Variants in LGR5 observed in about 807,000 individuals in gnomAD.
LGR5 encodes the protein leucine rich repeat containing G protein-coupled receptor 5, also known as leucine-rich repeat-containing G protein-coupled receptor 5.
In LGR5, 54 loss-of-function variants were observed where a neutral mutation model predicts 76.7. The observed-to-expected ratio is 0.70, with a 90% CI of 0.57 to 0.88. The LOEUF is 0.88. Among genes scored for constraint, LGR5 ranks in the 40% least tolerant of loss-of-function variants. The pLI, the probability that LGR5 is intolerant of heterozygous loss-of-function variation, is 0.00. For missense variants in LGR5, 1,078 were observed against 1,073.3 expected (o/e 1.00, Z -0.06); for synonymous variants, 406 against 421.9 (o/e 0.96, Z 0.46).
At chr12:71,452,512 T>A (rs761352280) in intron 1 of LGR5, among the ~76,000 whole-genome samples, 1 of 152,230 alleles carries the variant, frequency 6.6e-6, no homozygotes, top group African/African-American at 2.4e-5. Context: ...GACTACTTGA[T>A]ATAATTTCTG....
chr12:71,536,931 C>T (rs1200100932), intron 4 of LGR5, among the ~76,000 whole-genome samples: 1 of 152,050 alleles, frequency 6.6e-6, no homozygotes, highest in Non-Finnish European at 1.5e-5. Flanking sequence ...CTATGTGTTC[C>T]CTGTGAAAAG....
chr12:71,478,738 A>C (rs1427511568), intron 1 of LGR5, among the ~76,000 whole-genome samples: 2 of 152,182 alleles, frequency 1.3e-5, no homozygotes, highest in Non-Finnish European at 2.9e-5. Flanking sequence ...ATAGGTCATC[A>C]AATACAATTC....
intron 1 of LGR5, among the ~76,000 whole-genome samples, chr12:71,446,861 T>A (rs1051735183): frequency 1.3e-5 from 2 of 152,212 alleles, no homozygotes; most frequent in African/African-American, 4.8e-5. Context: ...TTTTTATATA[T>A]CCATTTTCTT....
At chr12:71,565,171 G>A (rs1878278249) in intron 8 of LGR5, among the ~76,000 whole-genome samples, 1 of 151,862 alleles carries the variant, frequency 6.6e-6, no homozygotes, top group Non-Finnish European at 1.5e-5. Context: ...GGACAGAAGA[G>A]GATTTAGGTT....
intron 17 of LGR5, 127 bp from the exon 18 acceptor site, chr12:71,583,520 C>A: frequency 9.4e-7 from 1 of 1,058,378 alleles, no homozygotes; most frequent in Non-Finnish European, 1.4e-6. Context: ...CACATGGGCA[C>A]TGTGTGTTAT....
In LGR5 at chr12:71,465,758, G is replaced by A. The variant is rs113538048; in HGVS notation, c.212+25466G>A. 2.7e-3 allele frequency among the ~76,000 whole-genome samples: 410 copies of A among 152,192 alleles called. 3 individuals are homozygous for A. Among genetic ancestry groups the A allele is most frequent in the African/African-American group, 9.5e-3 (395 of 41,520 alleles). On this transcript the variant is annotated intron_variant, in intron 1 of 17. Coordinates refer to ENST00000266674, the MANE Select transcript of LGR5 (RefSeq NM_003667.4). Reference sequence around the variant, plus strand: ...ACTTACCTCAGGATTCCTTTTTCAGGTAACATAAACTGATTAACTGGAAAT... The same window carrying A: ...ACTTACCTCAGGATTCCTTTTTCAGATAACATAAACTGATTAACTGGAAAT...
intron 1 of LGR5, among the ~76,000 whole-genome samples, chr12:71,484,585 C>T (rs1020842571): frequency 4.6e-5 from 7 of 152,016 alleles, no homozygotes; most frequent in Non-Finnish European, 8.8e-5. Flanking sequence ...CCTTTGTGCC[C>T]GAGGTTACAG....
chr12:71,492,673 GGAAGT>G (rs1874126198), intron 1 of LGR5, among the ~76,000 whole-genome samples: 1 of 152,300 alleles, frequency 6.6e-6, no homozygotes, highest in Non-Finnish European at 1.5e-5. Context: ...CTCTAACAGA[GGAAGT>G]TAGGGACTGA....
At chr12:71,502,349 C>G (rs1456268078) in intron 1 of LGR5, among the ~76,000 whole-genome samples, 3 of 151,968 alleles carry the variant, frequency 2.0e-5, no homozygotes, top group South Asian at 4.2e-4. Context: ...AGGTGCCCAC[C>G]ACCATGCCCG....
chr12:71,545,160 A>C (rs1022291391), intron 4 of LGR5, among the ~76,000 whole-genome samples: 1 of 152,120 alleles, frequency 6.6e-6, no homozygotes, highest in African/African-American at 2.4e-5. Flanking sequence ...TATAATGCTC[A>C]TCCAGCCGGG....
At chr12:71,467,356 C>G (rs958682473) in intron 1 of LGR5, among the ~76,000 whole-genome samples, 8 of 152,150 alleles carry the variant, frequency 5.3e-5, no homozygotes, top group Non-Finnish European at 8.8e-5. Flanking sequence ...CAAGATTTCA[C>G]TGATGAGAAA....
At chr12:71,467,628 A>C (rs933261972) in intron 1 of LGR5, among the ~76,000 whole-genome samples, 1 of 152,214 alleles carries the variant, frequency 6.6e-6, no homozygotes, top group African/African-American at 2.4e-5. Context: ...AATAATTAGT[A>C]ATATCAAAAA....
chr12:71,552,895 C>T (rs1329932749), intron 4 of LGR5, among the ~76,000 whole-genome samples, 178 bp from the exon 5 acceptor site: 3 of 152,002 alleles, frequency 2.0e-5, no homozygotes, highest in Non-Finnish European at 4.4e-5. Flanking sequence ...CAACAGTCTA[C>T]ACATGAATGA....
intron 2 of LGR5, among the ~76,000 whole-genome samples, chr12:71,509,613 G>A (rs1216421601): frequency 6.6e-6 from 1 of 152,124 alleles, no homozygotes; most frequent in Non-Finnish European, 1.5e-5. Flanking sequence ...AGAGATGTTG[G>A]GAGCTAATGG....
At chr12:71,494,477 TGA>T (rs2137285488) in intron 1 of LGR5, among the ~76,000 whole-genome samples, 1 of 151,332 alleles carries the variant, frequency 6.6e-6, no homozygotes, top group South Asian at 2.1e-4. Flanking sequence ...CCATTGTTTC[TGA>T]GGTATTTAAG....
At chr12:71,447,459 C>T (rs1341977152) in intron 1 of LGR5, among the ~76,000 whole-genome samples, 1 of 152,170 alleles carries the variant, frequency 6.6e-6, no homozygotes, top group Non-Finnish European at 1.5e-5. Context: ...GTTTGGGGTA[C>T]AGTCTCTAGA....
intron 4 of LGR5, among the ~76,000 whole-genome samples, chr12:71,549,446 ATGT>A (rs1877367433): frequency 6.6e-6 from 1 of 152,210 alleles, no homozygotes; most frequent in Non-Finnish European, 1.5e-5. Context: ...TAGATCTTAA[ATGT>A]TGTCACCACA....
chr12:71,466,698 A>G (rs1214380480), intron 1 of LGR5, among the ~76,000 whole-genome samples: 1 of 151,944 alleles, frequency 6.6e-6, no homozygotes, highest in Non-Finnish European at 1.5e-5. Context: ...GTAGTAGGTA[A>G]GGAAGAGCTG....
intron 4 of LGR5, among the ~76,000 whole-genome samples, chr12:71,536,977 A>C (rs1189993703): frequency 6.6e-6 from 1 of 152,200 alleles, no homozygotes; most frequent in Admixed American, 6.5e-5. Flanking sequence ...CACTGACCAC[A>C]TCCAAACTAA....
Sources: allele counts gnomAD v4.1 joint callset (sites outside exome capture counted in the v4.1 genomes callset), GRCh38; gene constraint gnomAD v4.1.1; transcripts MANE v1.5; gene names NCBI Gene and HGNC (gene_info 2026-07-23, HGNC 2026-07-21).